Variants in FGF13 observed in about 807,000 individuals in gnomAD.
The protein encoded by FGF13 is fibroblast growth factor homologous factor 2.
FGF13 carries 2 observed loss-of-function variants against 19.5 expected under a neutral mutation model. The observed-to-expected ratio is 0.10, with a 90% CI of 0.04 to 0.32. FGF13 has a LOEUF of 0.32. Among genes scored for constraint, FGF13 ranks in the 10% least tolerant of loss-of-function variants. The pLI is 1.00. For missense variants in FGF13, 113 were observed against 192.7 expected (o/e 0.59, Z 2.45); for synonymous variants, 72 against 76.9 (o/e 0.94, Z 0.33).
chrX:138,811,272 AG>A (rs1482238313), intron 3 of FGF13, among the ~76,000 whole-genome samples: 1 of 111,645 alleles, frequency 9.0e-6, no homozygotes, highest in Non-Finnish European at 1.9e-5. Context: ...GCCATAAAAA[AG>A]GATGAGTTCA....
intron 1 of FGF13, among the ~76,000 whole-genome samples, chrX:139,003,466 C>G (rs2092084323): frequency 8.9e-6 from 1 of 111,909 alleles, no homozygotes; most frequent in Admixed American, 9.4e-5. Flanking sequence ...CCAATGCTGG[C>G]TCGGGCAGCC....
At chrX:139,146,220 T>A (rs1268372440) in intron 1 of FGF13, among the ~76,000 whole-genome samples, 2 of 111,838 alleles carry the variant, frequency 1.8e-5, no homozygotes, top group African/African-American at 6.5e-5. Context: ...AATCTACCCA[T>A]CTGACAAAGG....
intron 3 of FGF13, among the ~76,000 whole-genome samples, chrX:138,688,358 T>C (rs1236108907): frequency 9.0e-6 from 1 of 110,994 alleles, no homozygotes; most frequent in Non-Finnish European, 1.9e-5. Flanking sequence ...AGTTGGTTCA[T>C]GGGTACAAAA....
intron 1 of FGF13, among the ~76,000 whole-genome samples, chrX:139,132,423 A>G (rs954946711): frequency 8.0e-5 from 9 of 112,319 alleles, no homozygotes; most frequent in Non-Finnish European, 1.5e-4. Context: ...TATGTAAGAG[A>G]GCATGTTGGT....
Position 139,016,129 on chromosome X carries a change from TCTG to T in FGF13, c.-112-151482_-112-151480del, listed in dbSNP as rs565184885. On this transcript the variant is annotated intron_variant, in intron 1 of 2. Transcript: ENST00000421460. ...CAATACATGTCATTATTTTTTAATC[TCTG>T]CTATTTTAATATGTAGAAAATATTT... is the stretch of plus-strand genomic sequence containing the variant. 2.3e-4 allele frequency among the ~76,000 whole-genome samples: 26 copies of T among 112,145 alleles called. 1 individual carries two copies. In the South Asian group the frequency reaches 9.6e-3, roughly 41 times the overall value.
intron 3 of FGF13, among the ~76,000 whole-genome samples, chrX:138,680,376 T>C (rs1414608662): frequency 8.9e-6 from 1 of 112,143 alleles, no homozygotes; most frequent in African/African-American, 3.2e-5. Context: ...AGAATCACTA[T>C]CTATGGCAGC....
intron 1 of FGF13, among the ~76,000 whole-genome samples, chrX:138,920,061 T>C (rs1469499182): frequency 9.0e-6 from 1 of 111,421 alleles, no homozygotes. Flanking sequence ...GGAGAGTAGA[T>C]TTGAGGCAAA....
intron 3 of FGF13, among the ~76,000 whole-genome samples, chrX:138,654,984 C>T (rs907383568): frequency 1.8e-5 from 2 of 111,508 alleles, no homozygotes; most frequent in African/African-American, 6.5e-5. Context: ...CTCTGCTCTT[C>T]CATAGCTTTT....
intron 3 of FGF13, among the ~76,000 whole-genome samples, chrX:138,690,837 G>A (rs1177556855): frequency 9.0e-6 from 1 of 111,435 alleles, no homozygotes; most frequent in African/African-American, 3.3e-5. Context: ...CAGAAGTCAG[G>A]ATGAAACAGT....
chrX:138,666,598 A>G (rs1011225408), intron 3 of FGF13, among the ~76,000 whole-genome samples: 1 of 111,443 alleles, frequency 9.0e-6, no homozygotes, highest in Non-Finnish European at 1.9e-5. Context: ...ATCTTTCTGG[A>G]CATAAGTTTC....
chrX:138,651,488 A>G (rs963968572), intron 3 of FGF13, among the ~76,000 whole-genome samples: 2 of 111,915 alleles, frequency 1.8e-5, no homozygotes, highest in African/African-American at 6.5e-5. Context: ...ATAATAATAG[A>G]TTCGATTTTT....
At chrX:138,696,310 T>C (rs1332765708) in intron 3 of FGF13, among the ~76,000 whole-genome samples, 3 of 112,085 alleles carry the variant, frequency 2.7e-5, no homozygotes, top group African/African-American at 9.7e-5. Flanking sequence ...CAAAGTAAAT[T>C]AGTGCTTGCC....
intron 1 of FGF13, among the ~76,000 whole-genome samples, chrX:139,119,122 G>A (rs2083659893): frequency 8.9e-6 from 1 of 111,885 alleles, no homozygotes; most frequent in Admixed American, 9.4e-5. Context: ...GGAGCTCAGA[G>A]GTTCAAGGTT....
intron 2 of FGF13, among the ~76,000 whole-genome samples, chrX:138,707,617 A>G (rs2090004383): frequency 1.8e-5 from 2 of 112,391 alleles, no homozygotes. Flanking sequence ...AAGACTATGC[A>G]TAAAAGAACA....
intron 3 of FGF13, among the ~76,000 whole-genome samples, chrX:138,666,411 G>A (rs190806560): frequency 3.6e-5 from 4 of 111,781 alleles, no homozygotes; most frequent in South Asian, 3.7e-4. Context: ...CAAAAAGTAC[G>A]TATGACAATA....
chrX:139,075,269 C>T (rs751741807), intron 1 of FGF13, among the ~76,000 whole-genome samples: 1 of 111,715 alleles, frequency 9.0e-6, no homozygotes, highest in South Asian at 3.7e-4. Context: ...GTTCCTTTGT[C>T]CCCAACTTGT....
intron 1 of FGF13, among the ~76,000 whole-genome samples, chrX:139,020,402 T>C (rs1367956368): frequency 9.0e-6 from 1 of 110,932 alleles, no homozygotes; most frequent in Non-Finnish European, 1.9e-5. Context: ...TTTTTGACAG[T>C]CTAGGTCCTC....
At chrX:139,160,761 TC>T (rs1188743805) in intron 1 of FGF13, among the ~76,000 whole-genome samples, 2 of 111,728 alleles carry the variant, frequency 1.8e-5, no homozygotes, top group Non-Finnish European at 3.8e-5. Context: ...ATGGTTAAAT[TC>T]CTGGACACAT....
chrX:139,057,406 A>C (rs2092323425), intron 1 of FGF13, among the ~76,000 whole-genome samples: 1 of 111,814 alleles, frequency 8.9e-6, no homozygotes, highest in African/African-American at 3.2e-5. Context: ...GAAACAAGTG[A>C]AACACTTATA....
Sources: gnomAD v4.1 joint callset for allele counts (sites outside exome capture counted in the v4.1 genomes callset) on GRCh38, gnomAD v4.1.1 for gene constraint, MANE v1.5 for transcripts, NCBI Gene and HGNC (gene_info 2026-07-23, HGNC 2026-07-21) for gene names.